The following MALRD1 variants were observed in gnomAD, a reference collection of about 807,000 sequenced individuals.
The protein encoded by MALRD1 is MAM and LDL-receptor class A domain-containing protein 1.
MALRD1 carries 247 observed loss-of-function variants against 242.1 expected under a neutral mutation model. The observed-to-expected ratio is 1.02, with a 90% CI of 0.92 to 1.13. MALRD1 has a LOEUF of 1.13. Among genes scored for constraint, MALRD1 ranks in the 50% most tolerant of loss-of-function variants. The probability of loss-of-function intolerance (pLI) is 0.00; values close to 1 mark genes in which losing one functional copy is unlikely to be tolerated. For synonymous variants in MALRD1, 995 were observed against 866.6 expected (o/e 1.15, Z -2.60); for missense variants, 2,989 against 2,533.1 (o/e 1.18, Z -3.86).
intron 38 of MALRD1, among the ~76,000 whole-genome samples, chr10:19,695,963 C>T (rs12569646): frequency 6.6e-6 from 1 of 152,148 alleles, no homozygotes; most frequent in African/African-American, 2.4e-5. Flanking sequence ...ATTCAATTAC[C>T]TTCCGCCAAG....
intron 28 of MALRD1, among the ~76,000 whole-genome samples, chr10:19,434,986 T>C (rs1046146657): frequency 6.6e-6 from 1 of 151,722 alleles, no homozygotes; most frequent in Non-Finnish European, 1.5e-5. Context: ...AATTAAAATA[T>C]TGAAAGCTAT....
At chr10:19,203,988 A>G in intron 15 of MALRD1, 108 bp downstream of exon 15, 1 of 1,306,098 alleles carries the variant, frequency 7.7e-7, no homozygotes, top group Non-Finnish European at 1.1e-6. Flanking sequence ...ACAAACAGTC[A>G]GATAGTTGAA....
At chr10:19,734,110 C>T in intron 39 of MALRD1, 47 bp from the exon 40 acceptor site, 3 of 1,426,854 alleles carry the variant, frequency 2.1e-6, no homozygotes, top group Non-Finnish European at 2.8e-6. Context: ...GTTTTCTTAT[C>T]TTAATGCCTA....
At chr10:19,374,330 A>G (rs554821421) in intron 26 of MALRD1, among the ~76,000 whole-genome samples, 9 of 152,300 alleles carry the variant, frequency 5.9e-5, no homozygotes, top group African/African-American at 1.9e-4. Context: ...TATTGATGCT[A>G]TAGCCTGTTT....
chr10:19,280,274 C>G, intron 20 of MALRD1, 51 bp downstream of exon 20: 2 of 1,347,098 alleles, frequency 1.5e-6, no homozygotes, highest in Non-Finnish European at 2.0e-6. Context: ...ATAGAAAATG[C>G]AAGTGTAATC....
chr10:19,369,181 A>G (rs1845254008), intron 26 of MALRD1, among the ~76,000 whole-genome samples: 2 of 24,508 alleles, frequency 8.2e-5, no homozygotes, highest in Non-Finnish European at 1.7e-4. Flanking sequence ...ATAAACTAAT[A>G]TATTATATAT....
Position 19,560,015 on chromosome 10 carries a change from T to C in MALRD1, c.5479-7487T>C, listed in dbSNP as rs1354820527. On this transcript the variant is annotated intron_variant, in intron 32 of 39. Coordinates refer to ENST00000454679, the MANE Select transcript of MALRD1 (RefSeq NM_001142308.3). ...AGATGCTGGAGAGGATTTGGAGAAA[T>C]AGGAATGCTTTCACACTGTTGTTAG... is the stretch of plus-strand genomic sequence containing the variant. 2.0e-5 allele frequency among the ~76,000 whole-genome samples: 3 copies of C among 152,230 alleles called. No individual in the cohort carries two copies. The East Asian group carries it at 5.8e-4, about 29-fold the overall frequency.
chr10:19,640,713 G>T (rs1423878822), intron 36 of MALRD1, among the ~76,000 whole-genome samples: 1 of 151,984 alleles, frequency 6.6e-6, no homozygotes, highest in African/African-American at 2.4e-5. Context: ...GGTTAAAAAG[G>T]TTTCTTTTAA....
intron 14 of MALRD1, among the ~76,000 whole-genome samples, chr10:19,201,217 G>A (rs866409443): frequency 3.3e-5 from 5 of 152,024 alleles, no homozygotes; most frequent in South Asian, 2.1e-4. Context: ...TGGCTAACTA[G>A]AAGACTAATT....
At chr10:19,335,471 G>T (rs1843565373) in intron 24 of MALRD1, among the ~76,000 whole-genome samples, 1 of 151,994 alleles carries the variant, frequency 6.6e-6, no homozygotes, top group Non-Finnish European at 1.5e-5. Context: ...GCTGGAATCT[G>T]CCATATGAAT....
chr10:19,270,080 C>G (rs1339965742), intron 19 of MALRD1, among the ~76,000 whole-genome samples: 1 of 151,976 alleles, frequency 6.6e-6, no homozygotes, highest in Non-Finnish European at 1.5e-5. Flanking sequence ...TTTGGGAGGC[C>G]GAGGCGAGTG....
In MALRD1 at chr10:19,093,870, C is replaced by T. The variant is rs1835915030; in HGVS notation, c.597+5685C>T. ...CTGCCGTGTGAGGTGTCAGTGTGCC[C>T]CTGCTGGGGGGGTGCCTCCCAGTTA... On this transcript the variant is annotated intron_variant, in intron 4 of 39. Transcript: ENST00000454679. 6.4e-5 allele frequency among the ~76,000 whole-genome samples: 6 copies of T among 93,526 alleles called. 3 individuals carry two copies. The South Asian group carries it at 1.5e-3, about 24-fold the overall frequency. The allele number at this position is 93,526 out of a possible 152,430, so 61.4% of individuals were successfully genotyped here.
At chr10:19,390,240 G>T (rs759310719) in intron 28 of MALRD1, among the ~76,000 whole-genome samples, 6 of 152,114 alleles carry the variant, frequency 3.9e-5, no homozygotes, top group Admixed American at 6.5e-5. Flanking sequence ...AATTATTTGT[G>T]CATCTGAAAG....
chr10:19,252,312 C>T (rs1352472792), intron 18 of MALRD1, among the ~76,000 whole-genome samples: 1 of 152,012 alleles, frequency 6.6e-6, no homozygotes, highest in African/African-American at 2.4e-5. Flanking sequence ...GGGTCCAGCC[C>T]AAGGGCCACC....
At chr10:19,553,865 G>A (rs563667091) in intron 32 of MALRD1, among the ~76,000 whole-genome samples, 1 of 152,146 alleles carries the variant, frequency 6.6e-6, no homozygotes, top group South Asian at 2.1e-4. Flanking sequence ...CTCCTAGGAA[G>A]TTTGAGACTA....
At chr10:19,341,145 C>T (rs1843828989) in intron 24 of MALRD1, among the ~76,000 whole-genome samples, 1 of 151,888 alleles carries the variant, frequency 6.6e-6, no homozygotes, top group Non-Finnish European at 1.5e-5. Context: ...ATATTTTTTA[C>T]AACTTTCTCT....
chr10:19,455,399 A>G (rs1023025783), intron 29 of MALRD1, among the ~76,000 whole-genome samples: 5 of 152,192 alleles, frequency 3.3e-5, no homozygotes, highest in African/African-American at 9.6e-5. Flanking sequence ...AATAGTATTT[A>G]TGTCAGCTGT....
chr10:19,437,667 A>T (rs1394039436), intron 28 of MALRD1, among the ~76,000 whole-genome samples: 1 of 152,066 alleles, frequency 6.6e-6, no homozygotes, highest in East Asian at 1.9e-4. Flanking sequence ...TTTTATTTGA[A>T]TATAACATCA....
At chr10:19,067,544 G>C (rs776610719) in intron 2 of MALRD1, among the ~76,000 whole-genome samples, 5 of 152,090 alleles carry the variant, frequency 3.3e-5, no homozygotes, top group Admixed American at 2.0e-4. Context: ...TCAATTAAAT[G>C]TTAAAATATG....
Sources: gnomAD v4.1 joint callset for allele counts (sites outside exome capture counted in the v4.1 genomes callset) on GRCh38, gnomAD v4.1.1 for gene constraint, MANE v1.5 for transcripts, NCBI Gene and HGNC (gene_info 2026-07-23, HGNC 2026-07-21) for gene names.